The following BCAS3 variants were observed in gnomAD, a reference collection of about 807,000 sequenced individuals.
BCAS3 encodes the protein BCAS3 microtubule associated cell migration factor.
Under a neutral mutation model 116.1 loss-of-function variants are expected in BCAS3, and 53 were observed. The observed-to-expected ratio is 0.46, with a 90% CI of 0.37 to 0.57. The LOEUF (loss-of-function observed/expected upper bound fraction) is 0.57, where lower values mean the gene tolerates loss of function less well. Among genes scored for constraint, BCAS3 ranks in the 20% least tolerant of loss-of-function variants. BCAS3 has a pLI of 0.00. For synonymous variants in BCAS3, 391 were observed against 408.2 expected (o/e 0.96, Z 0.51); for missense variants, 917 against 1,165.4 (o/e 0.79, Z 3.10).
At chr17:61,314,690 G>A (rs2054590419) in intron 22 of BCAS3, among the ~76,000 whole-genome samples, 1 of 152,204 alleles carries the variant, frequency 6.6e-6, no homozygotes, top group Admixed American at 6.5e-5. Flanking sequence ...CCAAAAAGCT[G>A]GGCTTTATCT....
At chr17:61,299,259 C>T (rs943780027) in intron 22 of BCAS3, among the ~76,000 whole-genome samples, 79 of 151,688 alleles carry the variant, frequency 5.2e-4, no homozygotes, top group African/African-American at 1.6e-3. Context: ...CTGGTTAACA[C>T]GGTGAAACTC....
At chr17:60,996,956 TC>T (rs1212283348) in intron 15 of BCAS3, among the ~76,000 whole-genome samples, 1 of 152,068 alleles carries the variant, frequency 6.6e-6, no homozygotes, top group African/African-American at 2.4e-5. Flanking sequence ...AGAAGTGTGA[TC>T]CCCAACCTTT....
intron 22 of BCAS3, among the ~76,000 whole-genome samples, chr17:61,267,033 A>G (rs2049783341): frequency 6.6e-6 from 1 of 152,120 alleles, no homozygotes; most frequent in Admixed American, 6.5e-5. Flanking sequence ...CTACCAGGAT[A>G]GGAAAGTTAA....
At chr17:61,218,689 C>A (rs2081942798) in intron 22 of BCAS3, among the ~76,000 whole-genome samples, 1 of 152,134 alleles carries the variant, frequency 6.6e-6, no homozygotes. Flanking sequence ...GATTAAATAG[C>A]CACTTACTCA....
rs902150911 is a variant in BCAS3 at position 61,008,292 on chromosome 17, C to T, written c.1487-7459C>T. Among the ~76,000 whole-genome samples, 1 of 152,002 alleles carries T rather than the reference C, an allele frequency of 6.6e-6. No individual in the cohort carries two copies. The highest frequency in any genetic ancestry group is 2.4e-5 in the African/African-American group (1 of 41,400). On this transcript the variant is annotated intron_variant, in intron 15 of 23. Coordinates refer to ENST00000407086, the MANE Select transcript of BCAS3 (RefSeq NM_017679.5). This position sits in a 1 kb window ranked among gnomAD's most constrained non-coding sequence, Gnocchi z 4.6. ...CTGCAGCTGGGAAGCTTGACATTCT[C>T]ATCTAGGAAAGGGGAGAAGAGAGAG...
chr17:61,050,639 C>G (rs59585886), intron 19 of BCAS3, among the ~76,000 whole-genome samples: 23,946 of 151,898 alleles, frequency 0.16, 5,995 homozygotes, highest in African/African-American at 0.53. Flanking sequence ...CAAGCAAGAG[C>G]ATGTAATTCT....
At position 61,037,281 on chromosome 17, in the gene BCAS3, T is replaced by A. The variant is rs1191113162; in HGVS notation, c.1763-608T>A. On this transcript the variant is annotated intron_variant, in intron 17 of 23. Transcript: ENST00000407086. This position sits in a 1 kb window ranked among gnomAD's most constrained non-coding sequence, Gnocchi z 4.7. ...TCCTGATATCATTCATTTTTCATAA[T>A]GTGGGACAAATTACATTGTAGACAA... Among the ~76,000 whole-genome samples, 2 of 152,242 alleles carry A rather than the reference T, an allele frequency of 1.3e-5. No homozygotes were observed. The highest frequency in any genetic ancestry group is 4.8e-5 in the African/African-American group (2 of 41,462).
rs78879083 is a variant in BCAS3 at position 60,798,334 on chromosome 17, C to G, written c.404-9670C>G. On this transcript the variant is annotated intron_variant, in intron 6 of 23. Transcript: ENST00000407086. ...AGTTAAAACTTAAAACTTAGAAGTC[C>G]TTAAATTCCTCTGTGCTCTGCTTAT... is the stretch of plus-strand genomic sequence containing the variant. Among the ~76,000 whole-genome samples the G allele has an allele frequency of 1.3e-3, 199 of 152,300 alleles. 4 individuals are homozygous for G. In the East Asian group the frequency reaches 0.037, roughly 28 times the overall value.
Position 60,967,126 on chromosome 17 carries a change from C to T in BCAS3, c.1221+19774C>T, listed in dbSNP as rs904327931. Among the ~76,000 whole-genome samples, 1 of 152,112 alleles carries T rather than the reference C, an allele frequency of 6.6e-6. No homozygotes were observed. The highest frequency in any genetic ancestry group is 2.4e-5 in the African/African-American group (1 of 41,432). On this transcript the variant is annotated intron_variant, in intron 14 of 23. Transcript: ENST00000407086. This position sits in a 1 kb window ranked among gnomAD's most constrained non-coding sequence, Gnocchi z 4.7. The stretch of plus-strand genomic sequence containing the variant: ...AGAGTATTTTGTGTTTCACCATGTA[C>T]TTTTTACCAGTGGGTTTTATACCTT...
At chr17:60,975,848 C>A (rs1447888190) in intron 14 of BCAS3, among the ~76,000 whole-genome samples, 3 of 152,026 alleles carry the variant, frequency 2.0e-5, no homozygotes, top group Non-Finnish European at 4.4e-5. Flanking sequence ...AAAGTTCATC[C>A]ATTTTCAAAT....
At chr17:61,290,873 C>T (rs937012360) in intron 22 of BCAS3, among the ~76,000 whole-genome samples, 18 of 152,110 alleles carry the variant, frequency 1.2e-4, no homozygotes, top group African/African-American at 1.9e-4. Context: ...CTCCGCCTCC[C>T]GGGTTCATGC....
rs900332108 is a variant in BCAS3, at chr17:61,362,475, G to A, written c.2426-5852G>A. ...ACAGTCTCTTAAATAGCTAGAGTGT[G>A]ATTAGACACTATCAGCTTAGAGGAG... On this transcript the variant is annotated intron_variant, in intron 22 of 23. Transcript: ENST00000407086. This position sits in a 1 kb window ranked among gnomAD's most constrained non-coding sequence, Gnocchi z 4.4. 4.6e-5 allele frequency among the ~76,000 whole-genome samples: 7 copies of A among 152,198 alleles called. No homozygotes were observed. The highest frequency in any genetic ancestry group is 3.3e-4 in the Admixed American group (5 of 15,266).
Position 61,228,691 on chromosome 17 carries a change from T to C in BCAS3, c.2426-139636T>C, listed in dbSNP as rs1372901279. Among the ~76,000 whole-genome samples the C allele has an allele frequency of 6.6e-6, 1 of 152,212 alleles. No homozygotes were observed. Among genetic ancestry groups the C allele is most frequent in the East Asian group, 1.9e-4 (1 of 5,200 alleles). ...TGCCCATGTAAAACAGCAAACTTAA[T>C]AAATGTTTTGCGTTCTGACTGCTCC... On this transcript the variant is annotated intron_variant, in intron 22 of 23. Coordinates refer to ENST00000407086, the MANE Select transcript of BCAS3 (RefSeq NM_017679.5). The surrounding 1 kb of genome is among the most constrained non-coding windows in gnomAD (Gnocchi z 5.0).
At chr17:61,040,967 C>A in intron 19 of BCAS3, 75 bp downstream of exon 19, 1 of 1,255,290 alleles carries the variant, frequency 8.0e-7, no homozygotes, top group Non-Finnish European at 1.2e-6. Context: ...GCTTTGAAAG[C>A]AAACATTACC....
At chr17:61,148,037 C>T (rs1174436790) in intron 22 of BCAS3, among the ~76,000 whole-genome samples, 1 of 151,584 alleles carries the variant, frequency 6.6e-6, no homozygotes, top group African/African-American at 2.4e-5. Context: ...AATGCAGCTA[C>T]CAATACAAGA....
At chr17:60,936,849 C>A (rs370929226) in intron 13 of BCAS3, among the ~76,000 whole-genome samples, 73 of 152,156 alleles carry the variant, frequency 4.8e-4, no homozygotes, top group Middle Eastern at 3.4e-3. Flanking sequence ...GCTGTGCAGA[C>A]GCTCTTTAGT....
chr17:61,079,556 C>T (rs976784288), intron 21 of BCAS3, among the ~76,000 whole-genome samples: 1 of 152,002 alleles, frequency 6.6e-6, no homozygotes, highest in Non-Finnish European at 1.5e-5. Context: ...TAATCCTGCT[C>T]TCACCCCTAT....
At position 61,235,557 on chromosome 17, in the gene BCAS3, A is replaced by G. The variant is rs2082976211; in HGVS notation, c.2426-132770A>G. 6.6e-6 allele frequency among the ~76,000 whole-genome samples: 1 copy of G among 152,214 alleles called. No homozygotes were observed. The highest frequency in any genetic ancestry group is 1.5e-5 in the Non-Finnish European group (1 of 68,038). ...ACGTAGTACAGAAGTACAGTGAAATATGAGATTCCTGAGCCTTTAGTGGAT... is the reference window on the plus strand; with the variant it reads ...ACGTAGTACAGAAGTACAGTGAAATGTGAGATTCCTGAGCCTTTAGTGGAT... On this transcript the variant is annotated intron_variant, in intron 22 of 23. Coordinates refer to ENST00000407086, the MANE Select transcript of BCAS3 (RefSeq NM_017679.5). This position sits in a 1 kb window ranked among gnomAD's most constrained non-coding sequence, Gnocchi z 5.0.
intron 17 of BCAS3, chr17:61,036,374 A>T (rs1278882848): frequency 1.3e-5 from 2 of 152,188 alleles, no homozygotes; most frequent in Non-Finnish European, 2.9e-5. Context: ...CACGCGCAGC[A>T]GGTTCCTTAC....
Sources: allele counts gnomAD v4.1 joint callset (sites outside exome capture counted in the v4.1 genomes callset), GRCh38; gene constraint gnomAD v4.1.1; non-coding constraint Gnocchi (gnomAD v3.1); transcripts MANE v1.5; gene names NCBI Gene and HGNC (gene_info 2026-07-23, HGNC 2026-07-21).